ADAM32: variants seen among roughly 807,000 people sequenced by gnomAD.
ADAM32 encodes ADAM metallopeptidase domain 32, also known as disintegrin and metalloproteinase domain-containing protein 32.
ADAM32 carries 89 observed loss-of-function variants against 114.9 expected under a neutral mutation model. The observed-to-expected ratio is 0.77, with a 90% CI of 0.65 to 0.92. The LOEUF (loss-of-function observed/expected upper bound fraction) is 0.92. ADAM32 is among the 40% of genes least tolerant of loss of function. The pLI is 0.00. For synonymous variants in ADAM32, 285 were observed against 307.5 expected, an observed-to-expected ratio of 0.93 and a Z score of 0.77; for missense variants, 870 against 932.8, an observed-to-expected ratio of 0.93 and a Z score of 0.88.
chr8:39,159,817 C>A (rs1415501361), intron 6 of ADAM32, among the ~76,000 whole-genome samples: 1 of 152,088 alleles, frequency 6.6e-6, no homozygotes, highest in African/African-American at 2.4e-5. Flanking sequence ...TTTGGTATTT[C>A]TTCCTCTGGC....
chr8:39,233,901 A>G lies in ADAM32; in HGVS notation c.1637A>G (p.Asn546Ser). Residue 546 changes from asparagine to serine, a missense_variant and splice_region_variant, in exon 16 of 25, where the codon AAT becomes AGT. Transcript: ENST00000379907. Reference protein sequence around the residue: ...NNKYVFCGWRNLICGRLVCTY... With the variant: ...NNKYVFCGWRSLICGRLVCTY... ...ATATATATTTTTTATGTTTTCAGGA[A>G]TCTTATATGTGGAAGATTAGTTTGT... 1 of 1,506,232 alleles carries G rather than the reference A, an allele frequency of 6.6e-7. No homozygotes were observed. Among genetic ancestry groups the G allele is most frequent in the Non-Finnish European group, 8.9e-7 (1 of 1,125,202 alleles). The allele number at this position is 1,506,232 out of a possible 1,614,324, so 93.3% of individuals were successfully genotyped here. A position where few individuals can be genotyped will look rare whatever the true frequency, so the allele number is the denominator to read the frequency against.
chr8:39,221,522 A>G (rs1808958282), intron 12 of ADAM32, 88 bp from the exon 13 acceptor site: 7 of 1,016,382 alleles, frequency 6.9e-6, no homozygotes, highest in African/African-American at 1.6e-5. Flanking sequence ...TCCAAATTCA[A>G]ACAGTAAGCC....
At chr8:39,207,809 G>T (rs1013435434) in intron 11 of ADAM32, among the ~76,000 whole-genome samples, 3 of 152,146 alleles carry the variant, frequency 2.0e-5, no homozygotes, top group Non-Finnish European at 4.4e-5. Context: ...TTTCACACGT[G>T]AGTGTGATCA....
chr8:39,198,907 C>A (rs1434706579), intron 11 of ADAM32, among the ~76,000 whole-genome samples: 5 of 152,134 alleles, frequency 3.3e-5, no homozygotes. Context: ...CTAGTGGTGA[C>A]AAATTCTTTG....
intron 10 of ADAM32, among the ~76,000 whole-genome samples, chr8:39,182,598 C>T (rs557339733): frequency 3.9e-5 from 6 of 152,264 alleles, no homozygotes; most frequent in South Asian, 2.1e-4. Context: ...AGTTACCAAG[C>T]GGTACAATAG....
chr8:39,269,285 A>G (rs1812564942), intron 19 of ADAM32, among the ~76,000 whole-genome samples: 1 of 152,224 alleles, frequency 6.6e-6, no homozygotes, highest in Non-Finnish European at 1.5e-5. Flanking sequence ...AGAGTCAATC[A>G]TAGAGCTCAC....
At chr8:39,127,874 T>G (rs1802213030) in intron 2 of ADAM32, among the ~76,000 whole-genome samples, 1 of 152,194 alleles carries the variant, frequency 6.6e-6, no homozygotes, top group African/African-American at 2.4e-5. Flanking sequence ...TCTGGTATGC[T>G]GTCTCTTTTT....
intron 1 of ADAM32, among the ~76,000 whole-genome samples, chr8:39,117,045 G>A (rs991538156): frequency 6.6e-5 from 10 of 151,998 alleles, no homozygotes; most frequent in East Asian, 1.9e-4. Flanking sequence ...CACCATGCCC[G>A]GCCAATGTTT....
At chr8:39,184,454 AC>A (rs1456145609) in intron 10 of ADAM32, among the ~76,000 whole-genome samples, 13 of 152,230 alleles carry the variant, frequency 8.5e-5, no homozygotes, top group African/African-American at 3.1e-4. Flanking sequence ...TGTTAGATGA[AC>A]TTGAAACAAG....
At chr8:39,247,677 T>C (rs1365193485) in intron 17 of ADAM32, among the ~76,000 whole-genome samples, 3 of 152,084 alleles carry the variant, frequency 2.0e-5, no homozygotes, top group Admixed American at 1.3e-4. Flanking sequence ...TCACAGAGAA[T>C]GTTTTAATTT....
At chr8:39,186,390 G>C (rs1433925288) in intron 10 of ADAM32, among the ~76,000 whole-genome samples, 2 of 152,146 alleles carry the variant, frequency 1.3e-5, no homozygotes, top group Non-Finnish European at 2.9e-5. Flanking sequence ...TAATCCAATA[G>C]TGCAATCTGA....
chr8:39,276,610 A>G (rs1293543123), intron 22 of ADAM32, among the ~76,000 whole-genome samples: 1 of 152,200 alleles, frequency 6.6e-6, no homozygotes, highest in African/African-American at 2.4e-5. Flanking sequence ...CAAACTCTCT[A>G]AGCTGCACAA....
intron 10 of ADAM32, among the ~76,000 whole-genome samples, chr8:39,181,273 G>A (rs559578081): frequency 1.3e-5 from 2 of 152,104 alleles, no homozygotes; most frequent in African/African-American, 2.4e-5. Flanking sequence ...TGAAGCCAGC[G>A]AGCCCATGAG....
At chr8:39,271,011 T>C in intron 20 of ADAM32, 97 bp downstream of exon 20, 1 of 1,157,176 alleles carries the variant, frequency 8.6e-7, no homozygotes. Flanking sequence ...GAACATCAAT[T>C]GGTAAAGCAA....
intron 3 of ADAM32, among the ~76,000 whole-genome samples, chr8:39,146,017 C>T (rs1342785489): frequency 6.6e-6 from 1 of 152,130 alleles, no homozygotes; most frequent in African/African-American, 2.4e-5. Context: ...CAGGAGTGAG[C>T]CACCCCGCCT....
At chr8:39,225,429 T>C (rs549250884) in intron 14 of ADAM32, among the ~76,000 whole-genome samples, 5 of 152,320 alleles carry the variant, frequency 3.3e-5, no homozygotes, top group Middle Eastern at 3.4e-3. Context: ...GGTCTCTTCA[T>C]GTGTGTTTGT....
chr8:39,203,277 G>T (rs1420552693), intron 11 of ADAM32, among the ~76,000 whole-genome samples: 3 of 152,130 alleles, frequency 2.0e-5, no homozygotes, highest in Non-Finnish European at 4.4e-5. Flanking sequence ...AAGTCTCTTT[G>T]TAGGTCTCTA....
chr8:39,222,968 T>G, intron 13 of ADAM32, 72 bp from the exon 14 acceptor site: 1 of 1,309,952 alleles, frequency 7.6e-7, no homozygotes, highest in Non-Finnish European at 1.0e-6. Flanking sequence ...ATTAACACAA[T>G]TTTGAAGTAA....
chr8:39,242,780 T>C (rs1810646383), intron 16 of ADAM32, among the ~76,000 whole-genome samples: 1 of 151,750 alleles, frequency 6.6e-6, no homozygotes. Context: ...AGAAAATAAG[T>C]AACAAAGATC....
Sources: allele counts gnomAD v4.1 joint callset (sites outside exome capture counted in the v4.1 genomes callset), GRCh38; gene constraint gnomAD v4.1.1; transcripts MANE v1.5; gene names NCBI Gene and HGNC (gene_info 2026-07-23, HGNC 2026-07-21).